The following EPHA7 variants were observed in gnomAD, a reference collection of about 807,000 sequenced individuals.
The protein encoded by EPHA7 is EPH receptor A7.
Under a neutral mutation model 112.6 loss-of-function variants are expected in EPHA7, and 25 were observed. That is an observed-to-expected ratio of 0.22 (90% CI 0.16 to 0.31). The LOEUF is 0.31. Ranked by LOEUF, EPHA7 falls within the 10% of genes least tolerant of loss-of-function variation. The probability of loss-of-function intolerance (pLI) is 1.00; values close to 1 mark genes in which losing one functional copy is unlikely to be tolerated. For missense variants in EPHA7, 962 were observed against 1,212.6 expected, an observed-to-expected ratio of 0.79 and a Z score of 3.07; for synonymous variants, 437 against 406.5, an observed-to-expected ratio of 1.07 and a Z score of -0.90.
chr6:93,419,088 G>A (rs1373746616), intron 1 of EPHA7, among the ~76,000 whole-genome samples, 157 bp downstream of exon 1: 1 of 152,144 alleles, frequency 6.6e-6, no homozygotes, highest in Admixed American at 6.5e-5. Context: ...TCGCTGGTCC[G>A]CCAGGAGCGG....
Position 93,269,486 on chromosome 6 carries a change from T to C in EPHA7, c.1624A>G (p.Met542Val). ...CCAAAGGCATAATTACCTTCAAACATTTTACCTGTAGCTTCCTCTAGTGTA... is the reference window on the plus strand; with the variant it reads ...CCAAAGGCATAATTACCTTCAAACACTTTACCTGTAGCTTCCTCTAGTGTA... ...VATLEEATGKMFEATAVSSEQ... is the reference protein window; with the variant it reads ...VATLEEATGKVFEATAVSSEQ... Residue 542 changes from methionine (M) to valine (V), a missense_variant, in exon 7 of 17, where the codon ATG becomes GTG. Met to Val is a conservative substitution (Grantham distance 21, BLOSUM62 1). Transcript: ENST00000369303. 6.2e-7 allele frequency: 1 copy of C among 1,610,424 alleles called. No individual in the cohort carries two copies. The highest frequency in any genetic ancestry group is 8.5e-7 in the Non-Finnish European group (1 of 1,177,750).
intron 3 of EPHA7, among the ~76,000 whole-genome samples, chr6:93,384,425 AAT>A (rs1334930661): frequency 7.2e-5 from 11 of 152,184 alleles, no homozygotes; most frequent in African/African-American, 2.4e-4. Flanking sequence ...CCTCCTTAAG[AAT>A]TCTTGGCCAT....
intron 3 of EPHA7, among the ~76,000 whole-genome samples, chr6:93,400,425 T>C (rs1364026200): frequency 2.0e-5 from 3 of 152,064 alleles, no homozygotes; most frequent in Non-Finnish European, 4.4e-5. Context: ...CAACTCCACA[T>C]ATACAAGTGT....
At position 93,241,785 on chromosome 6, in the gene EPHA7, A is replaced by G. The variant is rs1769699197; in HGVS notation, c.*1641T>C. Reference sequence around the variant, plus strand: ...AATAGAAAAATATAGTGCATTTTCAATGTATTCAGAGCCCACTACAGAGAA... The same window carrying G: ...AATAGAAAAATATAGTGCATTTTCAGTGTATTCAGAGCCCACTACAGAGAA... On this transcript the variant is annotated 3_prime_UTR_variant, in exon 17 of 17. Transcript: ENST00000369303. The G allele has an allele frequency of 9.1e-6, 2 of 219,358 alleles. No homozygotes were observed. Among genetic ancestry groups the G allele is most frequent in the East Asian group, 6.7e-5 (1 of 14,988 alleles). The allele number at this position is 219,358 out of a possible 1,614,324, so 13.6% of individuals were successfully genotyped here.
At chr6:93,380,831 T>C (rs1777300708) in intron 3 of EPHA7, among the ~76,000 whole-genome samples, 1 of 152,144 alleles carries the variant, frequency 6.6e-6, no homozygotes, top group African/African-American at 2.4e-5. Flanking sequence ...ATTAACTCCA[T>C]TTGAAGGTTT....
intron 9 of EPHA7, chr6:93,260,631 T>A (rs896345779): frequency 3.1e-6 from 3 of 975,260 alleles, no homozygotes; most frequent in Non-Finnish European, 3.7e-6. Context: ...AGTAAACACA[T>A]AACAAAAAGA....
At chr6:93,257,770 T>C (rs1377816593) in intron 11 of EPHA7, among the ~76,000 whole-genome samples, 1 of 152,048 alleles carries the variant, frequency 6.6e-6, no homozygotes, top group Non-Finnish European at 1.5e-5. Flanking sequence ...GCTTTGTGAG[T>C]AAAACTCAGA....
rs561589972 is a variant in EPHA7, at chr6:93,299,180, G to C, written c.1325-26758C>G. ...TCTCTACTAAAAATACAAAAAATTA[G>C]CCGGGCGTGGTGGCGGGCGCCTGTA... On this transcript the variant is annotated intron_variant, in intron 5 of 16. Coordinates refer to ENST00000369303, the MANE Select transcript of EPHA7 (RefSeq NM_004440.4). Among the ~76,000 whole-genome samples, 974 of 152,056 alleles carry C rather than the reference G, an allele frequency of 6.4e-3. 10 individuals carry two copies. Among genetic ancestry groups the C allele is most frequent in the African/African-American group, 0.022 (922 of 41,506 alleles).
At position 93,246,929 on chromosome 6, in the gene EPHA7, A is replaced by T. The variant is rs55780501; in HGVS notation, c.2589T>A (p.Ala863=). The change falls in exon 15 of 17, where the codon GCT becomes GCA. Residue 863 remains alanine, a synonymous_variant. Transcript: ENST00000369303. ...AATCCAACATTAGCTGGTGAAGGCCAGCTGGGCAGTCCATGGGTGCTGGTA... is the reference window on the plus strand; with the variant it reads ...AATCCAACATTAGCTGGTGAAGGCCTGCTGGGCAGTCCATGGGTGCTGGTA... The part of the protein sequence containing the change: ...YRLPAPMDCP[A]GLHQLMLDCW... The T allele has an allele frequency of 2.8e-4, 447 of 1,613,584 alleles. 2 individuals are homozygous for T. The East Asian group carries it at 9.3e-3, about 34-fold the overall frequency.
intron 5 of EPHA7, among the ~76,000 whole-genome samples, chr6:93,336,913 AAAG>A (rs1389020509): frequency 6.6e-6 from 1 of 151,912 alleles, no homozygotes; most frequent in East Asian, 1.9e-4. Flanking sequence ...AAGGAAAAAC[AAAG>A]AAGCTTTTAT....
Position 93,288,227 on chromosome 6 carries a change from T to C in EPHA7, c.1325-15805A>G, listed in dbSNP as rs1232619564. Among the ~76,000 whole-genome samples, 5 of 152,140 alleles carry C rather than the reference T, an allele frequency of 3.3e-5. No homozygotes were observed. In the South Asian group the frequency reaches 8.3e-4, roughly 25 times the overall value. ...ATAAGGTAGAATACATACAAAGAAATAGAAGTGCTCAATACAAATGGATGG... is the reference window on the plus strand; with the variant it reads ...ATAAGGTAGAATACATACAAAGAAACAGAAGTGCTCAATACAAATGGATGG... On this transcript the variant is annotated intron_variant, in intron 5 of 16. Coordinates refer to ENST00000369303, the MANE Select transcript of EPHA7 (RefSeq NM_004440.4).
intron 3 of EPHA7, among the ~76,000 whole-genome samples, chr6:93,388,434 T>C (rs2127978520): frequency 6.6e-6 from 1 of 152,278 alleles, no homozygotes; most frequent in South Asian, 2.1e-4. Context: ...AATCGGTGCT[T>C]CCTGCTTTAC....
chr6:93,334,656 G>C (rs77181324), intron 5 of EPHA7, among the ~76,000 whole-genome samples: 3,835 of 152,078 alleles, frequency 0.025, 74 homozygotes, highest in Non-Finnish European at 0.041. Flanking sequence ...CTCCAAAGAA[G>C]CACATTAAGG....
intron 5 of EPHA7, among the ~76,000 whole-genome samples, chr6:93,282,687 T>C (rs899702229): frequency 1.3e-5 from 2 of 151,576 alleles, no homozygotes; most frequent in African/African-American, 4.9e-5. Context: ...GCACAGCGCT[T>C]GCGGGCCAGC....
At chr6:93,311,026 T>A (rs1416562971) in intron 5 of EPHA7, among the ~76,000 whole-genome samples, 1 of 151,618 alleles carries the variant, frequency 6.6e-6, no homozygotes, top group Non-Finnish European at 1.5e-5. Context: ...CACAGCTCAC[T>A]GCAACCTTGA....
At position 93,255,951 on chromosome 6, in the gene EPHA7, T is replaced by A; in HGVS notation, c.2259A>T (p.Gly753=). 1 of 1,614,050 alleles carries A rather than the reference T, an allele frequency of 6.2e-7. No individual in the cohort carries two copies. Among genetic ancestry groups the A allele is most frequent in the Admixed American group, 1.7e-5 (1 of 59,996 alleles). ...GAGCTGCAAGGTCCCTGTGAACATA[T>A]CCCATATCAGCCAAATATCTCATTC... ...AAGMRYLADM[G]YVHRDLAARN... Residue 753 remains glycine (G), a synonymous_variant, in exon 13 of 17, where the codon GGA becomes GGT. Transcript: ENST00000369303.
chr6:93,264,552 A>C, intron 8 of EPHA7, 42 bp downstream of exon 8: 1 of 1,291,214 alleles, frequency 7.7e-7, no homozygotes, highest in Non-Finnish European at 1.1e-6. Flanking sequence ...CTTAAAAAAC[A>C]ATACATTTTA....
chr6:93,363,110 T>G (rs1208530940), intron 3 of EPHA7, among the ~76,000 whole-genome samples: 1 of 152,118 alleles, frequency 6.6e-6, no homozygotes, highest in Non-Finnish European at 1.5e-5. Context: ...GGCTGAACAT[T>G]AGGAAGGCTT....
chr6:93,254,632 G>C lies in EPHA7; in HGVS notation c.2532+15C>G. 1 of 1,605,772 alleles carries C rather than the reference G, an allele frequency of 6.2e-7. No individual in the cohort carries two copies. Among genetic ancestry groups the C allele is most frequent in the South Asian group, 1.1e-5 (1 of 89,656 alleles). ...TGTATTCAATCCTTTTTGTTTAAATGAATGTAACACCTACATCTTGATTTG... is the reference window on the plus strand; with the variant it reads ...TGTATTCAATCCTTTTTGTTTAAATCAATGTAACACCTACATCTTGATTTG... On this transcript the variant is annotated intron_variant, in intron 14 of 16. Coordinates refer to ENST00000369303, the MANE Select transcript of EPHA7 (RefSeq NM_004440.4).
Sources: gnomAD v4.1 joint callset for allele counts (sites outside exome capture counted in the v4.1 genomes callset) on GRCh38, gnomAD v4.1.1 for gene constraint, MANE v1.5 for transcripts, NCBI Gene and HGNC (gene_info 2026-07-23, HGNC 2026-07-21) for gene names.